Variants in CAPZB observed in about 807,000 individuals in gnomAD.
The protein encoded by CAPZB is F-actin-capping protein subunit beta.
CAPZB carries 2 observed loss-of-function variants against 38.1 expected under a neutral mutation model. The ratio of observed to expected loss-of-function variants is 0.05; its 90% confidence interval spans 0.02 to 0.17. The LOEUF (loss-of-function observed/expected upper bound fraction) is 0.17. CAPZB is among the 10% of genes least tolerant of loss of function. The probability of loss-of-function intolerance (pLI) is 1.00; values close to 1 mark genes in which losing one functional copy is unlikely to be tolerated. For missense variants in CAPZB, 161 were observed against 334.2 expected (o/e 0.48, Z 4.04); for synonymous variants, 107 against 127.4 (o/e 0.84, Z 1.08).
At chr1:19,449,506 G>C (rs1171762328) in intron 1 of CAPZB, among the ~76,000 whole-genome samples, 9 of 152,162 alleles carry the variant, frequency 5.9e-5, no homozygotes, top group East Asian at 1.9e-4. Context: ...AGGCTGGACT[G>C]GCTGGGGGCT....
chr1:19,428,007 A>G (rs1329588471), intron 1 of CAPZB, among the ~76,000 whole-genome samples: 1 of 152,278 alleles, frequency 6.6e-6, no homozygotes, highest in Non-Finnish European at 1.5e-5. Flanking sequence ...TGGCAGGGCA[A>G]CATGAAGGAA....
intron 1 of CAPZB, among the ~76,000 whole-genome samples, chr1:19,485,187 G>A (rs1416273684): frequency 6.6e-6 from 1 of 152,134 alleles, no homozygotes; most frequent in South Asian, 2.1e-4. Context: ...GAACACAGAG[G>A]TAGTGAGTGG....
chr1:19,372,322 C>A (rs747730097), intron 4 of CAPZB, among the ~76,000 whole-genome samples: 1 of 152,222 alleles, frequency 6.6e-6, no homozygotes, highest in Non-Finnish European at 1.5e-5. Flanking sequence ...CCAAGGACTT[C>A]AGAGCATTGG....
intron 2 of CAPZB, among the ~76,000 whole-genome samples, chr1:19,419,103 C>T (rs2094391703): frequency 2.0e-5 from 3 of 152,304 alleles, no homozygotes; most frequent in South Asian, 4.1e-4. Context: ...GAATTTGAGG[C>T]AACATCTTGA....
chr1:19,391,636 A>G (rs2094235793), intron 2 of CAPZB, among the ~76,000 whole-genome samples: 1 of 152,260 alleles, frequency 6.6e-6, no homozygotes, highest in African/African-American at 2.4e-5. Flanking sequence ...ACAGTGTGGC[A>G]TTCTGTAAAA....
intron 4 of CAPZB, among the ~76,000 whole-genome samples, chr1:19,375,715 G>C (rs370914421): frequency 2.6e-5 from 4 of 152,204 alleles, no homozygotes; most frequent in Admixed American, 2.0e-4. Flanking sequence ...CCCAGGGAAG[G>C]GAAAGGCTTC....
rs2094444530 is a variant in CAPZB, at chr1:19,432,144, T to G, written c.4-12394A>C. Among the ~76,000 whole-genome samples, 3 of 151,070 alleles carry G rather than the reference T, an allele frequency of 2.0e-5. No individual in the cohort carries two copies. In the South Asian group the frequency reaches 6.3e-4, roughly 32 times the overall value. On this transcript the variant is annotated intron_variant, in intron 1 of 8. Transcript: ENST00000264202. The stretch of plus-strand genomic sequence containing the variant: ...GCATTAACAATGGCAGTATTAAGAA[T>G]ATTTATATATTGTCCAGACTGGGCA...
At chr1:19,438,942 T>C (rs1298607165) in intron 1 of CAPZB, among the ~76,000 whole-genome samples, 5 of 152,242 alleles carry the variant, frequency 3.3e-5, no homozygotes, top group African/African-American at 9.6e-5. Context: ...CACAGGAAGA[T>C]TAAATCCAGA....
At chr1:19,427,319 G>A (rs996175143) in intron 1 of CAPZB, among the ~76,000 whole-genome samples, 1 of 152,202 alleles carries the variant, frequency 6.6e-6, no homozygotes, top group Non-Finnish European at 1.5e-5. Context: ...AAGGCCTTCA[G>A]AGTTTGTTCT....
At chr1:19,350,328 A>G (rs1456249069) in intron 6 of CAPZB, among the ~76,000 whole-genome samples, 2 of 152,238 alleles carry the variant, frequency 1.3e-5, no homozygotes, top group African/African-American at 4.8e-5. Flanking sequence ...CTAAATAAAC[A>G]AATGTACACA....
intron 4 of CAPZB, among the ~76,000 whole-genome samples, chr1:19,358,839 C>T (rs940387871): frequency 6.6e-6 from 1 of 152,212 alleles, no homozygotes; most frequent in Non-Finnish European, 1.5e-5. Context: ...AGCACCCTGC[C>T]CTCAGCCCTG....
At chr1:19,369,966 C>T (rs1171594411) in intron 4 of CAPZB, among the ~76,000 whole-genome samples, 2 of 152,216 alleles carry the variant, frequency 1.3e-5, no homozygotes, top group Non-Finnish European at 2.9e-5. Context: ...TCTAGCTGAG[C>T]TGTCAGGCCC....
intron 1 of CAPZB, among the ~76,000 whole-genome samples, chr1:19,457,816 C>T (rs1393856833): frequency 6.6e-6 from 1 of 151,982 alleles, no homozygotes; most frequent in Non-Finnish European, 1.5e-5. Flanking sequence ...ACAGAAACCA[C>T]TTCAGAAGGA....
At chr1:19,393,105 A>G (rs1208795178) in intron 2 of CAPZB, among the ~76,000 whole-genome samples, 1 of 152,224 alleles carries the variant, frequency 6.6e-6, no homozygotes, top group Non-Finnish European at 1.5e-5. Context: ...CAGGGACCCC[A>G]GTTTGTCATT....
intron 1 of CAPZB, among the ~76,000 whole-genome samples, chr1:19,485,080 A>T (rs1409186375): frequency 6.6e-6 from 1 of 151,262 alleles, no homozygotes; most frequent in African/African-American, 2.4e-5. Flanking sequence ...AGACCGGGGG[A>T]GGAAGGGGGC....
intron 1 of CAPZB, among the ~76,000 whole-genome samples, chr1:19,439,014 T>C (rs186823766): frequency 1.1e-4 from 17 of 152,354 alleles, no homozygotes; most frequent in Non-Finnish European, 2.1e-4. Flanking sequence ...CCCTCATCAG[T>C]TGGGATTCAT....
At chr1:19,345,743 A>G (rs2093957090) in intron 6 of CAPZB, among the ~76,000 whole-genome samples, 1 of 152,242 alleles carries the variant, frequency 6.6e-6, no homozygotes, top group Non-Finnish European at 1.5e-5. Context: ...GCAGTCTCGC[A>G]GGGAGGGACA....
chr1:19,454,151 T>C (rs1052389245), intron 1 of CAPZB, among the ~76,000 whole-genome samples: 14 of 152,290 alleles, frequency 9.2e-5, no homozygotes, highest in Admixed American at 7.2e-4. Flanking sequence ...AGCTCAGGAA[T>C]AACTGCAGTT....
intron 2 of CAPZB, among the ~76,000 whole-genome samples, chr1:19,387,806 T>C (rs529710722): frequency 2.0e-5 from 3 of 152,316 alleles, no homozygotes; most frequent in African/African-American, 4.8e-5. Flanking sequence ...CCCATGCCCA[T>C]GTGATTTTGA....
Sources: allele counts gnomAD v4.1 joint callset (sites outside exome capture counted in the v4.1 genomes callset), GRCh38; gene constraint gnomAD v4.1.1; transcripts MANE v1.5; gene names NCBI Gene and HGNC (gene_info 2026-07-23, HGNC 2026-07-21).